The following SLC4A4 variants were observed in gnomAD, a reference collection of about 807,000 sequenced individuals.
SLC4A4 encodes solute carrier family 4 member 4.
SLC4A4 carries 27 observed loss-of-function variants against 111.5 expected under a neutral mutation model. The ratio of observed to expected loss-of-function variants is 0.24; its 90% confidence interval spans 0.18 to 0.33. The LOEUF (loss-of-function observed/expected upper bound fraction) is 0.33. Among genes scored for constraint, SLC4A4 ranks in the 10% least tolerant of loss-of-function variants. The probability of loss-of-function intolerance (pLI) is 1.00; values close to 1 mark genes in which losing one functional copy is unlikely to be tolerated. For missense variants in SLC4A4, 909 were observed against 1,315.5 expected (o/e 0.69, Z 4.78); for synonymous variants, 443 against 463.4 (o/e 0.96, Z 0.57).
chr4:71,525,719 C>A (rs1470487744), intron 16 of SLC4A4, among the ~76,000 whole-genome samples: 1 of 152,050 alleles, frequency 6.6e-6, no homozygotes, highest in Non-Finnish European at 1.5e-5. Flanking sequence ...TCATGAAAAC[C>A]TTGGCACTTC....
At chr4:71,247,286 A>C (rs896767364) in intron 2 of SLC4A4, among the ~76,000 whole-genome samples, 2 of 148,270 alleles carry the variant, frequency 1.3e-5, no homozygotes, top group South Asian at 4.2e-4. Flanking sequence ...TATAAGATAT[A>C]TAACCATATG....
intron 1 of SLC4A4, among the ~76,000 whole-genome samples, chr4:71,205,053 A>G (rs1015694975): frequency 9.2e-5 from 14 of 152,188 alleles, no homozygotes; most frequent in Admixed American, 7.9e-4. Context: ...AGAATTTACA[A>G]GGTAGGTGGT....
At chr4:71,133,035 C>A (rs184458176) in intron 2 of SLC4A4, among the ~76,000 whole-genome samples, 1 of 152,196 alleles carries the variant, frequency 6.6e-6, no homozygotes, top group African/African-American at 2.4e-5. Flanking sequence ...AATGTAAGTG[C>A]ATTTGATGAA....
chr4:71,235,970 G>A (rs1018818354), intron 1 of SLC4A4: 19 of 919,016 alleles, frequency 2.1e-5, no homozygotes, highest in Middle Eastern at 5.5e-4. Context: ...TCAGATTTCC[G>A]TAAGGCCAGC....
intron 23 of SLC4A4, among the ~76,000 whole-genome samples, chr4:71,560,812 G>T (rs1395702160): frequency 6.6e-6 from 1 of 151,706 alleles, no homozygotes; most frequent in South Asian, 2.1e-4. Flanking sequence ...AAAGGGAATG[G>T]GAGTTTGGGG....
rs116941176 is a variant in SLC4A4 at position 71,203,673 on chromosome 4, C to T, written c.-2+16272C>T. Among the ~76,000 whole-genome samples the T allele has an allele frequency of 3.3e-5, 5 of 152,248 alleles. No individual in the cohort carries two copies. The East Asian group carries it at 9.6e-4, about 29-fold the overall frequency. The stretch of plus-strand genomic sequence containing the variant: ...TTAAATGAATAAATGCAAACCAGAA[C>T]ATATTGTAAGAAGGAAAATCTGTTG... On this transcript the variant is annotated intron_variant, in intron 1 of 25. Coordinates refer to ENST00000264485, the MANE Select transcript of SLC4A4 (RefSeq NM_001098484.3).
intron 2 of SLC4A4, among the ~76,000 whole-genome samples, chr4:71,165,056 A>C (rs547708973): frequency 8.5e-5 from 13 of 152,226 alleles, no homozygotes; most frequent in Non-Finnish European, 1.8e-4. Flanking sequence ...GGAAACAACA[A>C]ATGCTGGAGA....
rs73828771 is a variant in SLC4A4 at position 71,231,182 on chromosome 4, G to A, written c.-1-5394G>A. Among the ~76,000 whole-genome samples the A allele has an allele frequency of 3.5e-3, 526 of 152,300 alleles. 8 individuals carry two copies. Among genetic ancestry groups the A allele is most frequent in the African/African-American group, 0.012 (510 of 41,558 alleles). On this transcript the variant is annotated intron_variant, in intron 1 of 25. Transcript: ENST00000264485. ...CTTCAACCTTTAGCAGCACTGTGAC[G>A]GGGCAGGCTTGCATTCTGAAACTTG... is the stretch of plus-strand genomic sequence containing the variant.
intron 18 of SLC4A4, among the ~76,000 whole-genome samples, chr4:71,536,054 T>C (rs569216293): frequency 1.3e-5 from 2 of 152,242 alleles, no homozygotes; most frequent in South Asian, 4.1e-4. Context: ...TGTACTGCTC[T>C]GAGATACTTT....
intron 6 of SLC4A4, among the ~76,000 whole-genome samples, chr4:71,365,929 G>A (rs946089339): frequency 7.2e-5 from 11 of 152,072 alleles, no homozygotes; most frequent in Non-Finnish European, 1.6e-4. Context: ...CAACCACAAG[G>A]GGATGAGCTT....
intron 8 of SLC4A4, among the ~76,000 whole-genome samples, chr4:71,444,917 T>G (rs1385761013): frequency 6.6e-6 from 1 of 152,206 alleles, no homozygotes; most frequent in Non-Finnish European, 1.5e-5. Flanking sequence ...GAGGCAGATT[T>G]ACTGAATTAT....
At chr4:71,450,195 G>A (rs915867240) in intron 9 of SLC4A4, among the ~76,000 whole-genome samples, 194 bp from the exon 10 acceptor site, 1 of 152,150 alleles carries the variant, frequency 6.6e-6, no homozygotes, top group African/African-American at 2.4e-5. Flanking sequence ...TCAGGCCTCT[G>A]CCTCTATTCT....
chr4:71,486,982 C>T lies in SLC4A4; in HGVS notation c.1938C>T (p.Ala646=). 1.9e-6 allele frequency: 3 copies of T among 1,602,578 alleles called. No individual in the cohort carries two copies. The highest frequency in any genetic ancestry group is 2.6e-6 in the Non-Finnish European group (3 of 1,171,534). The change falls in exon 15 of 26, where the codon GCC becomes GCT. Residue 646 remains alanine (A), a synonymous_variant. Coordinates refer to ENST00000264485, the MANE Select transcript of SLC4A4 (RefSeq NM_001098484.3). Reference sequence around the variant, plus strand: ...CAATATCTAATGACACCACACTGGCCCCAGAGTATTTGCCAACTATGTCTT... The same window carrying T: ...CAATATCTAATGACACCACACTGGCTCCAGAGTATTTGCCAACTATGTCTT... ...NISISNDTTL[A]PEYLPTMSST...
At chr4:71,203,244 A>C (rs1746337427) in intron 1 of SLC4A4, among the ~76,000 whole-genome samples, 1 of 152,204 alleles carries the variant, frequency 6.6e-6, no homozygotes, top group Admixed American at 6.5e-5. Context: ...CCCTCTTTTT[A>C]GAGAAACATT....
intron 2 of SLC4A4, among the ~76,000 whole-genome samples, chr4:71,094,094 T>C (rs969622059): frequency 6.6e-6 from 1 of 152,176 alleles, no homozygotes; most frequent in Non-Finnish European, 1.5e-5. Flanking sequence ...TTATTAAACA[T>C]TTTGGTACAC....
intron 2 of SLC4A4, among the ~76,000 whole-genome samples, chr4:71,136,432 T>C (rs1348735611): frequency 6.6e-6 from 1 of 152,220 alleles, no homozygotes; most frequent in East Asian, 1.9e-4. Context: ...TTTTGCCCTT[T>C]AGTGACCACT....
chr4:71,548,532 G>A (rs1735730924), intron 20 of SLC4A4, among the ~76,000 whole-genome samples: 1 of 151,636 alleles, frequency 6.6e-6, no homozygotes, highest in Non-Finnish European at 1.5e-5. Flanking sequence ...ATATAAACAT[G>A]CTTGCGAATT....
chr4:71,093,071 G>A (rs1210526389), intron 2 of SLC4A4, among the ~76,000 whole-genome samples: 1 of 151,716 alleles, frequency 6.6e-6, no homozygotes, highest in Non-Finnish European at 1.5e-5. Flanking sequence ...CTCCAGCCTG[G>A]GTAACAGAGT....
chr4:71,256,464 A>G (rs73826213), intron 3 of SLC4A4, among the ~76,000 whole-genome samples: 3,379 of 152,274 alleles, frequency 0.022, 102 homozygotes, highest in East Asian at 0.068. Context: ...AAGCTAGAGA[A>G]GTGCGGTGCT....
Sources: allele counts gnomAD v4.1 joint callset (sites outside exome capture counted in the v4.1 genomes callset), GRCh38; gene constraint gnomAD v4.1.1; transcripts MANE v1.5; gene names NCBI Gene and HGNC (gene_info 2026-07-23, HGNC 2026-07-21).